Variants in LRRTM4 observed in about 807,000 individuals in gnomAD.
LRRTM4 encodes leucine-rich repeat transmembrane neuronal protein 4.
LRRTM4 carries 25 observed loss-of-function variants against 47.6 expected under a neutral mutation model. The ratio of observed to expected loss-of-function variants is 0.53; its 90% CI spans 0.38 to 0.73. LRRTM4 has a LOEUF of 0.73. Ranked by LOEUF, LRRTM4 falls within the 30% of genes least tolerant of loss-of-function variation. The pLI is 0.00. For missense variants in LRRTM4, 638 were observed against 713.4 expected (o/e 0.89, Z 1.20); for synonymous variants, 311 against 269.5 (o/e 1.15, Z -1.51).
chr2:77,415,843 T>C (rs976820077), intron 3 of LRRTM4, among the ~76,000 whole-genome samples: 6 of 152,146 alleles, frequency 3.9e-5, no homozygotes, highest in African/African-American at 1.4e-4. Context: ...ACAGTGTTGG[T>C]ATATAAGAGG....
chr2:77,159,523 GA>G (rs374578663), intron 3 of LRRTM4, among the ~76,000 whole-genome samples: 10,023 of 110,502 alleles, frequency 0.091, 433 homozygotes, highest in South Asian at 0.28. Context: ...AAGTATAATG[GA>G]AAAAAAAAAA....
chr2:76,760,924 TG>T (rs1461151628), intron 3 of LRRTM4, among the ~76,000 whole-genome samples: 1 of 152,230 alleles, frequency 6.6e-6, no homozygotes, highest in Non-Finnish European at 1.5e-5. Context: ...TTTAGAGCAG[TG>T]GTTCTCAGTC....
At chr2:77,469,358 G>A (rs1365536564) in intron 3 of LRRTM4, among the ~76,000 whole-genome samples, 1 of 152,150 alleles carries the variant, frequency 6.6e-6, no homozygotes, top group South Asian at 2.1e-4. Flanking sequence ...ATTTGATGGA[G>A]AAAGAGAGAA....
intron 3 of LRRTM4, among the ~76,000 whole-genome samples, chr2:77,413,039 G>C (rs961854682): frequency 1.2e-4 from 18 of 152,140 alleles, no homozygotes; most frequent in Non-Finnish European, 2.1e-4. Context: ...AGGAAGGAAA[G>C]ACTTCTCCTT....
intron 3 of LRRTM4, among the ~76,000 whole-genome samples, chr2:77,102,573 C>T (rs921796477): frequency 6.6e-6 from 1 of 152,042 alleles, no homozygotes; most frequent in Non-Finnish European, 1.5e-5. Flanking sequence ...AAAACTTTTT[C>T]AATTGATCAA....
chr2:77,516,744 G>T, intron 3 of LRRTM4: 2 of 966,216 alleles, frequency 2.1e-6, no homozygotes, highest in South Asian at 4.8e-5. Flanking sequence ...TATTATCTGG[G>T]ATTACTTCTC....
intron 3 of LRRTM4, among the ~76,000 whole-genome samples, chr2:76,752,820 G>T (rs1672898173): frequency 6.6e-6 from 1 of 151,994 alleles, no homozygotes; most frequent in Admixed American, 6.6e-5. Context: ...ATTCAGATTT[G>T]GTATTTTTGT....
At chr2:76,986,158 A>T (rs1676786996) in intron 3 of LRRTM4, among the ~76,000 whole-genome samples, 1 of 149,950 alleles carries the variant, frequency 6.7e-6, no homozygotes, top group Non-Finnish European at 1.5e-5. Context: ...CTTTTTTTTG[A>T]GATGTTCCTT....
At chr2:76,790,466 TG>T (rs1483481736) in intron 3 of LRRTM4, among the ~76,000 whole-genome samples, 1 of 152,202 alleles carries the variant, frequency 6.6e-6, no homozygotes, top group African/African-American at 2.4e-5. Context: ...AGTATGATCT[TG>T]GGCCAGCCTC....
intron 3 of LRRTM4, among the ~76,000 whole-genome samples, chr2:76,882,411 G>T (rs914563962): frequency 5.3e-5 from 8 of 151,894 alleles, no homozygotes; most frequent in African/African-American, 1.9e-4. Context: ...TATAAAAAAG[G>T]CCAGGCACGG....
rs550639368 is a variant in LRRTM4 at position 77,105,178 on chromosome 2, C to CA, written c.1552-356263dup. On this transcript the variant is annotated intron_variant, in intron 3 of 3. Transcript: ENST00000409884. ...ATTTGGATGCTGAGTATAACAACAA[C>CA]AAAAAACACCAACAACAAACCTTTA... Among the ~76,000 whole-genome samples, 5 of 152,108 alleles carry CA rather than the reference C, an allele frequency of 3.3e-5. No homozygotes were observed. The South Asian group carries it at 1.0e-3, about 32-fold the overall frequency.
intron 3 of LRRTM4, among the ~76,000 whole-genome samples, chr2:77,259,053 C>T (rs888885572): frequency 6.6e-6 from 1 of 151,750 alleles, no homozygotes; most frequent in African/African-American, 2.4e-5. Context: ...ACATTATTGA[C>T]CAGAAATCAG....
At chr2:76,763,606 C>T (rs1558637391) in intron 3 of LRRTM4, among the ~76,000 whole-genome samples, 1 of 152,188 alleles carries the variant, frequency 6.6e-6, no homozygotes, top group Non-Finnish European at 1.5e-5. Flanking sequence ...ACGATCCAAA[C>T]ATATGAATAG....
At chr2:76,913,687 G>A (rs1364045007) in intron 3 of LRRTM4, among the ~76,000 whole-genome samples, 1 of 151,734 alleles carries the variant, frequency 6.6e-6, no homozygotes, top group African/African-American at 2.4e-5. Flanking sequence ...CTGCAGGCAT[G>A]CACCACCACA....
chr2:77,079,733 TAGTTA>T (rs1251401143), intron 3 of LRRTM4, among the ~76,000 whole-genome samples: 2 of 152,194 alleles, frequency 1.3e-5, no homozygotes, highest in Non-Finnish European at 2.9e-5. Context: ...TGATAATTAT[TAGTTA>T]AAAGTTAGGT....
intron 3 of LRRTM4, among the ~76,000 whole-genome samples, chr2:76,939,169 T>C (rs1675052937): frequency 6.6e-6 from 1 of 152,270 alleles, no homozygotes; most frequent in South Asian, 2.1e-4. Flanking sequence ...AAAATGGTGA[T>C]TGTATTTTTA....
intron 3 of LRRTM4, among the ~76,000 whole-genome samples, chr2:76,826,186 A>G (rs937771378): frequency 2.0e-5 from 3 of 151,722 alleles, no homozygotes; most frequent in African/African-American, 7.2e-5. Flanking sequence ...TTTTTTCTTA[A>G]TAATGAATAT....
chr2:77,212,375 GT>G (rs1674317134), intron 3 of LRRTM4, among the ~76,000 whole-genome samples: 1 of 149,210 alleles, frequency 6.7e-6, no homozygotes, highest in African/African-American at 2.5e-5. Flanking sequence ...TATATATAGT[GT>G]CATATATATA....
chr2:77,349,692 G>C (rs939855727), intron 3 of LRRTM4, among the ~76,000 whole-genome samples: 19 of 152,180 alleles, frequency 1.2e-4, no homozygotes, highest in Admixed American at 6.5e-4. Context: ...TAAATTTACT[G>C]TAGTCAAATC....
Sources: allele counts gnomAD v4.1 joint callset (sites outside exome capture counted in the v4.1 genomes callset), GRCh38; gene constraint gnomAD v4.1.1; transcripts MANE v1.5; gene names NCBI Gene and HGNC (gene_info 2026-07-23, HGNC 2026-07-21).